DMRT3: variants seen among roughly 807,000 people sequenced by gnomAD.
DMRT3 encodes the protein doublesex and mab-3 related transcription factor 3, also known as doublesex- and mab-3-related transcription factor 3.
DMRT3 carries 29 observed loss-of-function variants against 34.9 expected under a neutral mutation model. That is an observed-to-expected ratio of 0.83 (90% CI 0.62 to 1.13). The LOEUF (loss-of-function observed/expected upper bound fraction) is 1.13. Among genes scored for constraint, DMRT3 ranks in the 50% most tolerant of loss-of-function variants. The pLI is 0.00. For synonymous variants in DMRT3, 350 were observed against 286.0 expected, an observed-to-expected ratio of 1.22 and a Z score of -2.26; for missense variants, 772 against 629.1, an observed-to-expected ratio of 1.23 and a Z score of -2.43.
chr9:988,241 C>T (rs1463927964), intron 1 of DMRT3, among the ~76,000 whole-genome samples: 1 of 151,258 alleles, frequency 6.6e-6, no homozygotes, highest in African/African-American at 2.5e-5. Context: ...TCATTGGAAA[C>T]CTTATATTTT....
chr9:987,033 C>CT (rs906275297), intron 1 of DMRT3, among the ~76,000 whole-genome samples: 37 of 151,970 alleles, frequency 2.4e-4, no homozygotes, highest in Admixed American at 1.2e-3. Flanking sequence ...ATATATTTTT[C>CT]TTTTTTTATT....
chr9:989,168 G>C (rs868808947), intron 1 of DMRT3, among the ~76,000 whole-genome samples: 1 of 152,122 alleles, frequency 6.6e-6, no homozygotes, highest in Non-Finnish European at 1.5e-5. Flanking sequence ...GTATCTTCAA[G>C]TCCTTTCCAT....
intron 1 of DMRT3, among the ~76,000 whole-genome samples, chr9:989,311 C>A (rs556941980): frequency 6.6e-6 from 1 of 152,330 alleles, no homozygotes; most frequent in East Asian, 1.9e-4. Context: ...CTAGCCACTT[C>A]CTTTTTTCCT....
intron 1 of DMRT3, 192 bp from the exon 2 acceptor site, chr9:989,849 C>A (rs1820330227): frequency 3.1e-6 from 2 of 651,582 alleles, no homozygotes; most frequent in Admixed American, 3.4e-5. Flanking sequence ...ATTTCTAGAT[C>A]TTTATTTACA....
Position 977,302 on chromosome 9 carries a change from G to A in DMRT3, c.301G>A (p.Gly101Arg). The A allele has an allele frequency of 7.3e-7, 1 of 1,369,056 alleles. No homozygotes were observed. The highest frequency in any genetic ancestry group is 9.5e-7 in the Non-Finnish European group (1 of 1,056,824). The allele number at this position is 1,369,056 out of a possible 1,614,324, so 84.8% of individuals were successfully genotyped here. The change falls in exon 1 of 2, where the codon GGG (glycine) becomes AGG (arginine). Residue 101 changes from glycine to arginine, a missense_variant. Gly to Arg is a moderately radical substitution (Grantham distance 125, BLOSUM62 -2). Transcript: ENST00000190165. ...LRALPGPPPP[G>R]DAVAAPQPPP... ...CGCTCTGCCAGGGCCCCCGCCGCCGGGGGACGCCGTCGCCGCCCCGCAGCC... is the reference window on the plus strand; with the variant it reads ...CGCTCTGCCAGGGCCCCCGCCGCCGAGGGACGCCGTCGCCGCCCCGCAGCC...
chr9:990,015 A>G, intron 1 of DMRT3, 26 bp from the exon 2 acceptor site: 1 of 1,610,972 alleles, frequency 6.2e-7, no homozygotes, highest in Non-Finnish European at 8.5e-7. Context: ...CCAGGAAAAG[A>G]TTAACTCAGC....
chr9:980,022 G>T (rs1333404307), intron 1 of DMRT3, among the ~76,000 whole-genome samples: 1 of 152,126 alleles, frequency 6.6e-6, no homozygotes, highest in African/African-American at 2.4e-5. Context: ...TGTGAACTTT[G>T]ACTTTGAAAT....
chr9:987,716 G>C (rs536588147), intron 1 of DMRT3, among the ~76,000 whole-genome samples: 13 of 152,090 alleles, frequency 8.5e-5, no homozygotes, highest in African/African-American at 2.4e-4. Flanking sequence ...TCCCAGTATC[G>C]TGCAGAAATA....
Position 977,296 on chromosome 9 carries a change from CCGCCGGGGGACGCCGT to C in DMRT3, c.301_316del (p.Gly101ProfsTer48). ...GCTGCGCGCTCTGCCAGGGCCCCCG[CCGCCGGGGGACGCCGT>C]CGCCGCCCCGCAGCCGCCGCCAGCC... On this transcript the variant is annotated frameshift_variant, in exon 1 of 2. Transcript: ENST00000190165. LOFTEE classifies it high-confidence loss of function. 1 of 1,396,652 alleles carries C rather than the reference CCGCCGGGGGACGCCGT, an allele frequency of 7.2e-7. No individual in the cohort carries two copies. Among genetic ancestry groups the C allele is most frequent in the Non-Finnish European group, 9.3e-7 (1 of 1,070,146 alleles). The allele number at this position is 1,396,652 out of a possible 1,614,324, so 86.5% of individuals were successfully genotyped here. A position where few individuals can be genotyped will look rare whatever the true frequency, so the allele number is the denominator to read the frequency against.
In DMRT3 at chr9:990,692, C is replaced by T. The variant is rs371663141; in HGVS notation, c.1106C>T (p.Pro369Leu). The change falls in exon 2 of 2, where the codon CCG (proline) becomes CTG (leucine). Residue 369 changes from proline to leucine, a missense_variant. Transcript: ENST00000190165. ...CCTTTCCCCCAGCCACCCCGGTACC[C>T]GCTGATGCTGAGGAATACTTTGGCG... ...QPPFPQPPRY[P>L]LMLRNTLARS... The T allele has an allele frequency of 1.9e-4, 312 of 1,614,000 alleles. No individual in the cohort carries two copies. Among genetic ancestry groups the T allele is most frequent in the Middle Eastern group, 3.3e-4 (2 of 6,084 alleles).
chr9:988,073 C>G (rs974690154), intron 1 of DMRT3, among the ~76,000 whole-genome samples: 7 of 152,110 alleles, frequency 4.6e-5, no homozygotes, highest in Admixed American at 2.6e-4. Flanking sequence ...CACATTAACT[C>G]AAGAGGTAAA....
chr9:979,471 CT>C (rs1298124372), intron 1 of DMRT3, among the ~76,000 whole-genome samples: 3 of 152,178 alleles, frequency 2.0e-5, no homozygotes, highest in Admixed American at 6.5e-5. Flanking sequence ...CAAGTGAGGA[CT>C]TTGGGGGACC....
rs574317589 is a variant in DMRT3 at position 981,625 on chromosome 9, C to T, written c.454+4170C>T. On this transcript the variant is annotated intron_variant, in intron 1 of 1. Transcript: ENST00000190165. Reference sequence around the variant, plus strand: ...CGGTCTTCCCAGCTCTTGGCCTGGCCGGTTTGCACGCAGTGCAGTTGCTGT... The same window carrying T: ...CGGTCTTCCCAGCTCTTGGCCTGGCTGGTTTGCACGCAGTGCAGTTGCTGT... 7.2e-5 allele frequency among the ~76,000 whole-genome samples: 11 copies of T among 152,238 alleles called. No homozygotes were observed. The South Asian group carries it at 2.1e-3, about 29-fold the overall frequency.
chr9:984,135 G>T (rs1675034294), intron 1 of DMRT3, among the ~76,000 whole-genome samples: 1 of 152,188 alleles, frequency 6.6e-6, no homozygotes. Context: ...TCCTGTAAAA[G>T]TCTCATCCTG....
In DMRT3 at chr9:990,722, G is replaced by A. The variant is rs752990598; in HGVS notation, c.1136G>A (p.Ser379Asn). 3.1e-6 allele frequency: 5 copies of A among 1,614,132 alleles called. No individual in the cohort carries two copies. Among genetic ancestry groups the A allele is most frequent in the Non-Finnish European group, 4.2e-6 (5 of 1,180,038 alleles). ...ATGCTGAGGAATACTTTGGCGAGAA[G>A]CCAGTCGAGCCCCTTTTTGCCCAAT... is the stretch of plus-strand genomic sequence containing the variant. Reference protein sequence around the residue: ...PLMLRNTLARSQSSPFLPNDV... With the variant: ...PLMLRNTLARNQSSPFLPNDV... Residue 379 changes from serine to asparagine, a missense_variant, in exon 2 of 2, where the codon AGC becomes AAC. By Grantham distance (46) the Ser-to-Asn change is conservative (BLOSUM62 1). Coordinates refer to ENST00000190165, the MANE Select transcript of DMRT3 (RefSeq NM_021240.4).
chr9:990,653 G>T lies in DMRT3; in HGVS notation c.1067G>T (p.Gly356Val), dbSNP rs16927037. The T allele has an allele frequency of 0.066, 106,091 of 1,613,912 alleles. 3,823 individuals are homozygous for T. Among genetic ancestry groups the T allele is most frequent in the Admixed American group, 0.11 (6,536 of 59,994 alleles). The change falls in exon 2 of 2, where the codon GGG becomes GTG. Residue 356 changes from glycine to valine, a missense_variant. Gly to Val is a moderately radical substitution (Grantham distance 109). Coordinates refer to ENST00000190165, the MANE Select transcript of DMRT3 (RefSeq NM_021240.4). Reference protein sequence around the residue: ...SSNVVPSPLAGPLQPPFPQPP... With the variant: ...SSNVVPSPLAVPLQPPFPQPP... ...AACGTTGTCCCCAGTCCCTTGGCTG[G>T]GCCTCTGCAGCCCCCTTTCCCCCAG...
rs535648498 is a variant in DMRT3, at chr9:977,160, C to T, written c.159C>T (p.Cys53=). Reference sequence around the variant, plus strand: ...AGCGTTACTGCCGCTTCAAGGACTGCACCTGCGAGAAGTGCATCCTCATCA... The same window carrying T: ...AGCGTTACTGCCGCTTCAAGGACTGTACCTGCGAGAAGTGCATCCTCATCA... ...GHKRYCRFKD[C]TCEKCILIIE... is the part of the protein sequence containing the mutation. Residue 53 remains cysteine, a synonymous_variant, in exon 1 of 2, where the codon TGC becomes TGT. Coordinates refer to ENST00000190165, the MANE Select transcript of DMRT3 (RefSeq NM_021240.4). 21 of 1,611,698 alleles carry T rather than the reference C, an allele frequency of 1.3e-5. No individual in the cohort carries two copies. In the African/African-American group the frequency reaches 2.4e-4, roughly 18 times the overall value.
chr9:990,005 C>G, intron 1 of DMRT3, 36 bp from the exon 2 acceptor site: 2 of 1,607,000 alleles, frequency 1.2e-6, no homozygotes, highest in South Asian at 1.1e-5. Context: ...TTTATGCACA[C>G]CAGGAAAAGA....
chr9:981,941 C>T (rs907707131), intron 1 of DMRT3, among the ~76,000 whole-genome samples: 1 of 152,212 alleles, frequency 6.6e-6, no homozygotes, highest in African/African-American at 2.4e-5. Context: ...CCACCACTCC[C>T]TCTCTGCTCT....
Sources: gnomAD v4.1 joint callset for allele counts (sites outside exome capture counted in the v4.1 genomes callset) on GRCh38, gnomAD v4.1.1 for gene constraint, MANE v1.5 for transcripts, NCBI Gene and HGNC (gene_info 2026-07-23, HGNC 2026-07-21) for gene names.